VPS33A: variants seen among roughly 807,000 people sequenced by gnomAD.
The protein encoded by VPS33A is VPS33A core subunit of CORVET and HOPS complexes.
VPS33A carries 32 observed loss-of-function variants against 71.8 expected under a neutral mutation model. The ratio of observed to expected loss-of-function variants is 0.45; its 90% CI spans 0.34 to 0.60. VPS33A has a LOEUF of 0.60. VPS33A is among the 20% of genes least tolerant of loss of function. The probability of loss-of-function intolerance (pLI) is 0.02; values close to 1 mark genes in which losing one functional copy is unlikely to be tolerated. For synonymous variants in VPS33A, 311 were observed against 292.7 expected (o/e 1.06, Z -0.64); for missense variants, 625 against 748.5 (o/e 0.84, Z 1.92).
Position 122,242,384 on chromosome 12 carries a change from G to A in VPS33A, c.1094C>T (p.Thr365Ile). 1 of 1,612,932 alleles carries A rather than the reference G, an allele frequency of 6.2e-7. No individual in the cohort carries two copies. The highest frequency in any genetic ancestry group is 8.5e-7 in the Non-Finnish European group (1 of 1,179,012). Residue 365 changes from threonine to isoleucine, a missense_variant and splice_region_variant, in exon 8 of 13, where the codon ACT (threonine) becomes ATT (isoleucine). Physicochemically the swap from Thr to Ile is moderately conservative, Grantham distance 89. Coordinates refer to ENST00000267199, the MANE Select transcript of VPS33A (RefSeq NM_022916.6). ...CAATCATTACAAAGGATACTCACTA[G>A]TGACATCTTTGATCAATTCTGCAAT... ...TSIAELIKDV[T>I]TSEDFFDKLT...
intron 8 of VPS33A, among the ~76,000 whole-genome samples, chr12:122,241,644 G>A (rs957559434): frequency 1.3e-5 from 2 of 151,780 alleles, no homozygotes; most frequent in Non-Finnish European, 2.9e-5. Context: ...CCAGGCTGGA[G>A]TGCAGTGGCG....
intron 8 of VPS33A, among the ~76,000 whole-genome samples, chr12:122,241,622 A>C (rs1457564748): frequency 6.8e-6 from 1 of 147,678 alleles, no homozygotes; most frequent in Non-Finnish European, 1.5e-5. Flanking sequence ...TTTTTAATGG[A>C]GTCTCGCTCA....
intron 10 of VPS33A, among the ~76,000 whole-genome samples, chr12:122,237,534 CTTTTTTTTTTTT>C (rs59918502): frequency 8.9e-6 from 1 of 111,792 alleles, no homozygotes; most frequent in Non-Finnish European, 1.8e-5. Flanking sequence ...TAAAGTTTTT[CTTTTTTTTTTTT>C]TTTTTTTTGA....
chr12:122,254,402 C>A (rs1474133283), intron 4 of VPS33A, among the ~76,000 whole-genome samples: 1 of 109,290 alleles, frequency 9.1e-6, no homozygotes, highest in African/African-American at 5.2e-5. Flanking sequence ...TCCACCCCCC[C>A]GCCTTTTTTT....
chr12:122,243,112 T>C (rs189532493), intron 7 of VPS33A, among the ~76,000 whole-genome samples: 3 of 152,318 alleles, frequency 2.0e-5, no homozygotes, highest in Admixed American at 2.0e-4. Flanking sequence ...CATCTGAGTA[T>C]TGGTGAAAGA....
intron 11 of VPS33A, 122 bp downstream of exon 11, chr12:122,235,664 C>CAAAAAGTAATTAGAAAATTAGAA (rs1954620346): frequency 1.5e-6 from 2 of 1,363,020 alleles, no homozygotes; most frequent in Non-Finnish European, 2.0e-6. Context: ...ATTACTTTTT[C>CAAAAAGTAATTAGAAAATTAGAA]AAAAACATTA....
chr12:122,250,396 G>A lies in VPS33A; in HGVS notation c.601-351C>T, dbSNP rs74508780. Among the ~76,000 whole-genome samples, 1,364 of 152,294 alleles carry A rather than the reference G, an allele frequency of 9.0e-3. 25 individuals carry two copies. Among genetic ancestry groups the A allele is most frequent in the African/African-American group, 0.031 (1,304 of 41,552 alleles). On this transcript the variant is annotated intron_variant, in intron 5 of 12. Coordinates refer to ENST00000267199, the MANE Select transcript of VPS33A (RefSeq NM_022916.6). ...GTTCCTGGGAGCCTCTGGTCTCAAC[G>A]TTTCTGTCAATTGATCAATACGTAA... is the stretch of plus-strand genomic sequence containing the variant.
Position 122,232,351 on chromosome 12 carries a change from T to C in VPS33A, c.1686A>G (p.Arg562=). The change falls in exon 13 of 13, where the codon CGA becomes CGG. Residue 562 remains arginine (R), a synonymous_variant. Transcript: ENST00000267199. ...CTCCATCTTCCAACTGGGAGAGAAA[T>C]CGCAGGGCAGCAATTTCAGCGAAGG... ...GVTFAEIAAL[R]FLSQLEDGGT... is the part of the protein sequence containing the mutation. 6.2e-7 allele frequency: 1 copy of C among 1,614,100 alleles called. No individual in the cohort carries two copies. The highest frequency in any genetic ancestry group is 1.3e-5 in the African/African-American group (1 of 75,012).
chr12:122,258,176 G>A (rs1592929442), intron 4 of VPS33A, among the ~76,000 whole-genome samples: 2 of 151,970 alleles, frequency 1.3e-5, no homozygotes, highest in East Asian at 3.9e-4. Flanking sequence ...GATTGCCTGA[G>A]CTCAGGAGTG....
At chr12:122,246,987 A>T (rs1345158871) in intron 6 of VPS33A, among the ~76,000 whole-genome samples, 3 of 152,230 alleles carry the variant, frequency 2.0e-5, no homozygotes, top group Non-Finnish European at 4.4e-5. Context: ...CTCAGGTTTG[A>T]AACTATTTGT....
intron 7 of VPS33A, 77 bp downstream of exon 7, chr12:122,244,492 G>A: frequency 7.8e-7 from 1 of 1,282,074 alleles, no homozygotes; most frequent in Non-Finnish European, 1.1e-6. Flanking sequence ...ACATATTTTT[G>A]GAGCTCTTAT....
chr12:122,235,986 G>A, intron 10 of VPS33A, 63 bp from the exon 11 acceptor site: 3 of 1,546,790 alleles, frequency 1.9e-6, no homozygotes, highest in Non-Finnish European at 2.6e-6. Context: ...AATTTTCAAA[G>A]AAGGGCACTT....
In VPS33A at chr12:122,230,142, A is replaced by C. The variant is rs1409350088; in HGVS notation, c.*2104T>G. On this transcript the variant is annotated 3_prime_UTR_variant, in exon 13 of 13. Transcript: ENST00000267199. ...GGTTTTCTTTAAGACATTTCCAAAT[A>C]CTGAATATCAAGGCCAAATTAATTC... 6.6e-6 allele frequency: 1 copy of C among 152,218 alleles called. No homozygotes were observed. Among genetic ancestry groups the C allele is most frequent in the Non-Finnish European group, 1.5e-5 (1 of 68,038 alleles). The allele number at this position is 152,218 out of a possible 1,614,324, so 9.4% of individuals were successfully genotyped here.
chr12:122,238,502 G>GT lies in VPS33A; in HGVS notation c.1302+84dup, dbSNP rs1172390192. 6 of 1,484,738 alleles carry GT rather than the reference G, an allele frequency of 4.0e-6. No individual in the cohort carries two copies. The Admixed American group carries it at 7.0e-5, about 17-fold the overall frequency. The allele number at this position is 1,484,738 out of a possible 1,614,324, so 92.0% of individuals were successfully genotyped here. On this transcript the variant is annotated intron_variant, in intron 10 of 12. Coordinates refer to ENST00000267199, the MANE Select transcript of VPS33A (RefSeq NM_022916.6). Reference sequence around the variant, plus strand: ...CTCCCAAAGTGCTGGGATTACAGGCGTAAGCCACTGTGCCCGGCCCATGAA... The same window carrying GT: ...CTCCCAAAGTGCTGGGATTACAGGCGTTAAGCCACTGTGCCCGGCCCATGAA...
intron 4 of VPS33A, among the ~76,000 whole-genome samples, chr12:122,259,347 G>A (rs1268130949): frequency 3.3e-5 from 5 of 152,026 alleles, no homozygotes; most frequent in Admixed American, 3.3e-4. Context: ...AGCCTCCCAA[G>A]TAGCTGGGAT....
At position 122,244,588 on chromosome 12, in the gene VPS33A, A is replaced by C; in HGVS notation, c.950T>G (p.Ile317Ser). 1 of 1,607,916 alleles carries C rather than the reference A, an allele frequency of 6.2e-7. No individual in the cohort carries two copies. The highest frequency in any genetic ancestry group is 8.5e-7 in the Non-Finnish European group (1 of 1,174,816). ...CCTCACCTCGAATGCTGCAGAGATG[A>C]TCTTTGCTTTCTTGCTGAGCACAGA... ...VGSVLSKKAK[I>S]ISAAFEERHN... Residue 317 changes from isoleucine (I) to serine (S), a missense_variant, in exon 7 of 13, where the codon ATC becomes AGC. Transcript: ENST00000267199.
chr12:122,244,439 A>C, intron 7 of VPS33A, 130 bp downstream of exon 7: 2 of 733,802 alleles, frequency 2.7e-6, no homozygotes, highest in Non-Finnish European at 4.2e-6. Flanking sequence ...ATCTGCAGTT[A>C]CTGAAGATGA....
rs959010473 is a variant in VPS33A at position 122,261,533 on chromosome 12, T to C, written c.297-86A>G. The C allele has an allele frequency of 5.0e-6, 6 of 1,206,680 alleles. No individual in the cohort carries two copies. The Admixed American group carries it at 6.3e-5, about 13-fold the overall frequency. 74.7% of individuals were successfully genotyped at this position (1,206,680 alleles called of 1,614,324 possible). ...TTTTTTATCCCCACTGCCTGGCACATAGCAGGCACTAAATAAATGCTGGCT... is the reference window on the plus strand; with the variant it reads ...TTTTTTATCCCCACTGCCTGGCACACAGCAGGCACTAAATAAATGCTGGCT... On this transcript the variant is annotated intron_variant, in intron 3 of 12. Transcript: ENST00000267199.
intron 4 of VPS33A, among the ~76,000 whole-genome samples, chr12:122,260,624 G>A (rs1386434332): frequency 6.6e-6 from 1 of 152,064 alleles, no homozygotes; most frequent in African/African-American, 2.4e-5. Context: ...AATAAATAAA[G>A]CTAATATTTT....
Sources: allele counts gnomAD v4.1 joint callset (sites outside exome capture counted in the v4.1 genomes callset), GRCh38; gene constraint gnomAD v4.1.1; transcripts MANE v1.5; gene names NCBI Gene and HGNC (gene_info 2026-07-23, HGNC 2026-07-21).